PIWIL4: variants seen among roughly 807,000 people sequenced by gnomAD.
The protein encoded by PIWIL4 is piwi-like protein 4.
A neutral mutation model predicts 100.9 loss-of-function variants in PIWIL4; 50 were observed. The ratio of observed to expected loss-of-function variants is 0.50; its 90% CI spans 0.39 to 0.63. The LOEUF (loss-of-function observed/expected upper bound fraction) is 0.63. Among genes scored for constraint, PIWIL4 ranks in the 20% least tolerant of loss-of-function variants. The probability of loss-of-function intolerance (pLI) is 0.00; values close to 1 mark genes in which losing one functional copy is unlikely to be tolerated. For missense variants in PIWIL4, 887 were observed against 1,043.3 expected, an observed-to-expected ratio of 0.85 and a Z score of 2.06; for synonymous variants, 342 against 367.5, an observed-to-expected ratio of 0.93 and a Z score of 0.79.
intron 12 of PIWIL4, 36 bp downstream of exon 12, chr11:94,602,015 TG>T: frequency 6.4e-7 from 1 of 1,573,386 alleles, no homozygotes; most frequent in African/African-American, 1.4e-5. Context: ...TATATTAATT[TG>T]GTTTGGTTAG....
rs1255810188 is a variant in PIWIL4 at position 94,619,982 on chromosome 11, C to T, written c.2295-15C>T. The T allele has an allele frequency of 6.2e-7, 1 of 1,614,142 alleles. No homozygotes were observed. The highest frequency in any genetic ancestry group is 8.5e-7 in the Non-Finnish European group (1 of 1,179,998). ...TTTGCCTTCTTTCCTACATTCATTC[C>T]ATTTTCCCCCTCAGGTATGACTTTT... On this transcript the variant is annotated splice_polypyrimidine_tract_variant and intron_variant, in intron 18 of 19. Coordinates refer to ENST00000299001, the MANE Select transcript of PIWIL4 (RefSeq NM_152431.3).
At chr11:94,608,355 C>T (rs963970640) in intron 14 of PIWIL4, 22 of 435,600 alleles carry the variant, frequency 5.1e-5, no homozygotes, top group South Asian at 2.0e-4. Flanking sequence ...TTATCTTGGA[C>T]GGTAGTGTTT....
intron 8 of PIWIL4, among the ~76,000 whole-genome samples, chr11:94,591,165 T>G (rs936875358): frequency 1.3e-5 from 2 of 152,164 alleles, no homozygotes; most frequent in African/African-American, 4.8e-5. Context: ...CACTGCATAG[T>G]TTGGCCCCCT....
chr11:94,589,482 AATACAT>A (rs1459194557), intron 8 of PIWIL4, among the ~76,000 whole-genome samples: 14 of 152,288 alleles, frequency 9.2e-5, no homozygotes, highest in African/African-American at 3.1e-4. Flanking sequence ...TCGCAACGCT[AATACAT>A]TTCCATGTCT....
At chr11:94,587,460 C>G (rs1214339986) in intron 7 of PIWIL4, among the ~76,000 whole-genome samples, 1 of 152,190 alleles carries the variant, frequency 6.6e-6, no homozygotes, top group Non-Finnish European at 1.5e-5. Context: ...GCTTGCGGTA[C>G]CCTCCTTTCC....
chr11:94,619,204 A>G (rs559476180), intron 17 of PIWIL4, among the ~76,000 whole-genome samples: 2 of 152,330 alleles, frequency 1.3e-5, no homozygotes, highest in South Asian at 2.1e-4. Flanking sequence ...AATGACAGAT[A>G]TTAGGATTTC....
chr11:94,617,727 T>C (rs990393384), intron 16 of PIWIL4: 88 of 471,790 alleles, frequency 1.9e-4, no homozygotes, highest in Middle Eastern at 5.2e-4. Flanking sequence ...TTTAAGAATA[T>C]ATCATGCCAT....
chr11:94,573,905 A>G lies in PIWIL4; in HGVS notation c.167-1094A>G, dbSNP rs578131662. On this transcript the variant is annotated intron_variant, in intron 2 of 19. Coordinates refer to ENST00000299001, the MANE Select transcript of PIWIL4 (RefSeq NM_152431.3). ...ATGGAAACTCTGTACTCATTAATTA[A>G]TAACTCCCATTCCCCCCTCCCTCCA... Among the ~76,000 whole-genome samples, 7 of 152,262 alleles carry G rather than the reference A, an allele frequency of 4.6e-5. 1 individual carries two copies. Among genetic ancestry groups the G allele is most frequent in the Middle Eastern group, 6.8e-3 (2 of 294 alleles).
chr11:94,577,903 C>T (rs998932926), intron 4 of PIWIL4, among the ~76,000 whole-genome samples: 1 of 152,162 alleles, frequency 6.6e-6, no homozygotes, highest in Non-Finnish European at 1.5e-5. Flanking sequence ...TGCAAACTTA[C>T]CCTTGTTTGT....
At chr11:94,616,442 G>A (rs1472621209) in intron 15 of PIWIL4, 51 bp from the exon 16 acceptor site, 2 of 1,381,454 alleles carry the variant, frequency 1.4e-6, no homozygotes, top group East Asian at 2.4e-5. Context: ...GAATATTTAT[G>A]GTAGAAAAAT....
intron 4 of PIWIL4, among the ~76,000 whole-genome samples, chr11:94,583,082 A>G (rs1948348231): frequency 7.1e-6 from 1 of 140,832 alleles, no homozygotes; most frequent in South Asian, 2.3e-4. Flanking sequence ...GTGAAATTTT[A>G]TTGAGAAATA....
At chr11:94,594,165 A>G (rs759437986) in intron 9 of PIWIL4, among the ~76,000 whole-genome samples, 6 of 152,142 alleles carry the variant, frequency 3.9e-5, no homozygotes, top group Non-Finnish European at 5.9e-5. Context: ...CTATTTTGCC[A>G]TTAGAAAAAT....
At chr11:94,581,206 G>C (rs1165161868) in intron 4 of PIWIL4, among the ~76,000 whole-genome samples, 1 of 152,098 alleles carries the variant, frequency 6.6e-6, no homozygotes, top group Non-Finnish European at 1.5e-5. Flanking sequence ...GGCCTGCCAG[G>C]CTCTTTATAG....
intron 4 of PIWIL4, among the ~76,000 whole-genome samples, chr11:94,579,052 T>TA (rs1948280223): frequency 6.6e-6 from 1 of 152,208 alleles, no homozygotes; most frequent in Non-Finnish European, 1.5e-5. Flanking sequence ...ATTGGCACCT[T>TA]AAAAAATAAT....
intron 12 of PIWIL4, among the ~76,000 whole-genome samples, chr11:94,603,004 GGCCTGTTTTAT>G (rs1204176871): frequency 1.3e-5 from 2 of 152,118 alleles, no homozygotes; most frequent in Non-Finnish European, 2.9e-5. Context: ...TTCTGTCCTT[GGCCTGTTTTAT>G]TTGAAAGCTC....
In PIWIL4 at chr11:94,585,480, G is replaced by C. The variant is rs372125531; in HGVS notation, c.671G>C (p.Arg224Pro). ...AAGTTGTCCATGTACCAAATTGGAC[G>C]GAACTTCTATAATCCTTCAGAGCCA... ...LKKLSMYQIGRNFYNPSEPME... is the reference protein window; with the variant it reads ...LKKLSMYQIGPNFYNPSEPME... The change falls in exon 6 of 20, where the codon CGG becomes CCG. Residue 224 changes from arginine to proline, a missense_variant. Around this residue, in one of 2 missense-constraint regions of PIWIL4, gnomAD observed 741 missense variants for 930.0 expected, o/e 0.80. Coordinates refer to ENST00000299001, the MANE Select transcript of PIWIL4 (RefSeq NM_152431.3). 1.7e-5 allele frequency: 28 copies of C among 1,609,950 alleles called. No homozygotes were observed. The highest frequency in any genetic ancestry group is 2.3e-5 in the Non-Finnish European group (27 of 1,178,776).
At chr11:94,591,662 C>T (rs1244921315) in intron 8 of PIWIL4, among the ~76,000 whole-genome samples, 4 of 152,024 alleles carry the variant, frequency 2.6e-5, no homozygotes, top group African/African-American at 7.3e-5. Context: ...TGGTAAAAAT[C>T]CCAGTCACTG....
At chr11:94,601,642 T>C (rs1284581246) in intron 11 of PIWIL4, among the ~76,000 whole-genome samples, 153 bp from the exon 12 acceptor site, 2 of 152,210 alleles carry the variant, frequency 1.3e-5, no homozygotes, top group African/African-American at 2.4e-5. Flanking sequence ...ATGTATTCTG[T>C]TCGGATGTGC....
chr11:94,616,091 A>G (rs1257255599), intron 15 of PIWIL4, among the ~76,000 whole-genome samples: 1 of 152,232 alleles, frequency 6.6e-6, no homozygotes, highest in African/African-American at 2.4e-5. Flanking sequence ...ACTCTTTACT[A>G]TATGCAAAGT....
Sources: gnomAD v4.1 joint callset for allele counts (sites outside exome capture counted in the v4.1 genomes callset) on GRCh38, gnomAD v4.1.1 for gene constraint, gnomAD v4.1.1 regional missense constraint, MANE v1.5 for transcripts, NCBI Gene and HGNC (gene_info 2026-07-23, HGNC 2026-07-21) for gene names.